The following UBASH3B variants were observed in gnomAD, a reference collection of about 807,000 sequenced individuals.
UBASH3B encodes ubiquitin-associated and SH3 domain-containing protein B.
A neutral mutation model predicts 83.4 loss-of-function variants in UBASH3B; 37 were observed. The ratio of observed to expected loss-of-function variants is 0.44; its 90% CI spans 0.34 to 0.58. UBASH3B has a LOEUF of 0.58. UBASH3B is among the 20% of genes least tolerant of loss of function. The pLI, the probability that UBASH3B is intolerant of heterozygous loss-of-function variation, is 0.01. For missense variants in UBASH3B, 657 were observed against 827.2 expected, an observed-to-expected ratio of 0.79 and a Z score of 2.52; for synonymous variants, 304 against 318.3, an observed-to-expected ratio of 0.96 and a Z score of 0.48.
At chr11:122,794,599 A>G (rs1861120881) in intron 6 of UBASH3B, 103 bp from the exon 7 acceptor site, 1 of 1,461,824 alleles carries the variant, frequency 6.8e-7, no homozygotes, top group Non-Finnish European at 9.4e-7. Flanking sequence ...TGTGCTACCC[A>G]CAGAGGGCTT....
At chr11:122,785,467 T>C (rs546225422) in intron 5 of UBASH3B, among the ~76,000 whole-genome samples, 7 of 152,216 alleles carry the variant, frequency 4.6e-5, no homozygotes, top group Non-Finnish European at 5.9e-5. Flanking sequence ...GGCACCGTGA[T>C]GCTTAGGAAA....
intron 1 of UBASH3B, among the ~76,000 whole-genome samples, chr11:122,694,188 T>A (rs1426580770): frequency 6.6e-6 from 1 of 151,220 alleles, no homozygotes; most frequent in African/African-American, 2.5e-5. Flanking sequence ...CTTTAAAACC[T>A]CTCTAGTACT....
intron 1 of UBASH3B, chr11:122,774,074 G>T: frequency 1.0e-6 from 1 of 985,116 alleles, no homozygotes; most frequent in Non-Finnish European, 1.2e-6. Flanking sequence ...AAAAAAGCGA[G>T]ATGTGTGGCC....
At chr11:122,720,669 C>T (rs1246146818) in intron 1 of UBASH3B, among the ~76,000 whole-genome samples, 2 of 152,180 alleles carry the variant, frequency 1.3e-5, no homozygotes, top group East Asian at 3.9e-4. Flanking sequence ...ACTACACACG[C>T]CATTGCCTGG....
At chr11:122,761,989 A>T (rs966273926) in intron 1 of UBASH3B, among the ~76,000 whole-genome samples, 1 of 151,704 alleles carries the variant, frequency 6.6e-6, no homozygotes, top group Admixed American at 6.6e-5. Flanking sequence ...ATGGAGTTTC[A>T]CCATGTTGGC....
Position 122,785,895 on chromosome 11 carries a change from A to G in UBASH3B, c.771+2673A>G, listed in dbSNP as rs184006750. Among the ~76,000 whole-genome samples, 9 of 152,336 alleles carry G rather than the reference A, an allele frequency of 5.9e-5. No individual in the cohort carries two copies. In the East Asian group the frequency reaches 1.7e-3, roughly 29 times the overall value. ...ATTGCTGCAGCTATTATTGTGAGTGAGAATAAAAAGGGCTCCAAAGGCAGT... is the reference window on the plus strand; with the variant it reads ...ATTGCTGCAGCTATTATTGTGAGTGGGAATAAAAAGGGCTCCAAAGGCAGT... On this transcript the variant is annotated intron_variant, in intron 5 of 13. Coordinates refer to ENST00000284273, the MANE Select transcript of UBASH3B (RefSeq NM_032873.5).
chr11:122,782,206 A>C (rs976230741), intron 4 of UBASH3B, among the ~76,000 whole-genome samples: 2 of 151,068 alleles, frequency 1.3e-5, no homozygotes, highest in Non-Finnish European at 2.9e-5. Flanking sequence ...ATGCCACTTA[A>C]CTCTAGCCTG....
At chr11:122,699,557 C>CTTTCTTTCTTTCT (rs1555137180) in intron 1 of UBASH3B, among the ~76,000 whole-genome samples, 8 of 142,984 alleles carry the variant, frequency 5.6e-5, no homozygotes, top group African/African-American at 2.1e-4. Context: ...TTCTTTCTTT[C>CTTTCTTTCTTTCT]TTTCTTTCTT....
intron 1 of UBASH3B, among the ~76,000 whole-genome samples, chr11:122,751,800 A>G (rs1281116634): frequency 1.3e-5 from 2 of 152,232 alleles, no homozygotes; most frequent in Non-Finnish European, 2.9e-5. Context: ...TGTGCTCCAC[A>G]TCACATCCAT....
chr11:122,751,629 C>A (rs757660201), intron 1 of UBASH3B, among the ~76,000 whole-genome samples: 1 of 152,234 alleles, frequency 6.6e-6, no homozygotes, highest in Non-Finnish European at 1.5e-5. Context: ...TGGCTGCAAC[C>A]TGTTCTCCCC....
chr11:122,742,271 G>A (rs987870539), intron 1 of UBASH3B, among the ~76,000 whole-genome samples: 1 of 152,228 alleles, frequency 6.6e-6, no homozygotes, highest in Non-Finnish European at 1.5e-5. Context: ...ATTGCAGACA[G>A]GAGAAGCAAA....
intron 1 of UBASH3B, among the ~76,000 whole-genome samples, chr11:122,717,561 A>G (rs1477125309): frequency 6.6e-6 from 1 of 152,174 alleles, no homozygotes; most frequent in African/African-American, 2.4e-5. Context: ...ATGCTTGTAA[A>G]TGTCAATTGC....
At position 122,814,077 on chromosome 11, in the gene UBASH3B, T is replaced by C. The variant is rs2135204859; in HGVS notation, c.*4191T>C. On this transcript the variant is annotated 3_prime_UTR_variant, in exon 14 of 14. Transcript: ENST00000284273. Reference sequence around the variant, plus strand: ...CAACTATCATGGACTCTGTACAGGATAGATGTGTATAATGGAAAATATGTA... The same window carrying C: ...CAACTATCATGGACTCTGTACAGGACAGATGTGTATAATGGAAAATATGTA... 6.5e-6 allele frequency: 1 copy of C among 152,766 alleles called. No individual in the cohort carries two copies. The highest frequency in any genetic ancestry group is 2.4e-5 in the African/African-American group (1 of 41,584). The allele number at this position is 152,766 out of a possible 1,614,324, so 9.5% of individuals were successfully genotyped here. A position where few individuals can be genotyped will look rare whatever the true frequency, so the allele number is the denominator to read the frequency against.
At chr11:122,664,955 C>CTGGAG (rs1305713223) in intron 1 of UBASH3B, among the ~76,000 whole-genome samples, 1 of 152,220 alleles carries the variant, frequency 6.6e-6, no homozygotes, top group East Asian at 1.9e-4. Context: ...GTCGCCCAGG[C>CTGGAG]TGGAGTGCGG....
At chr11:122,768,466 A>AGGTGTGTGTGTGTG (rs745861229) in intron 1 of UBASH3B, among the ~76,000 whole-genome samples, 1 of 128,984 alleles carries the variant, frequency 7.8e-6, no homozygotes, top group African/African-American at 3.4e-5. Context: ...AGAGATATAT[A>AGGTGTGTGTGTGTG]TGTATGTGTG....
At chr11:122,774,265 T>C in intron 1 of UBASH3B, 1 of 985,486 alleles carries the variant, frequency 1.0e-6, no homozygotes, top group Non-Finnish European at 1.2e-6. Context: ...CATCAACCTG[T>C]AAGTAGGCTT....
chr11:122,738,516 C>T (rs371171742), intron 1 of UBASH3B, among the ~76,000 whole-genome samples: 1 of 152,156 alleles, frequency 6.6e-6, no homozygotes, highest in East Asian at 1.9e-4. Flanking sequence ...TGGGGTTACA[C>T]AGCATGACAA....
chr11:122,750,682 A>G (rs1247125879), intron 1 of UBASH3B, among the ~76,000 whole-genome samples: 1 of 152,182 alleles, frequency 6.6e-6, no homozygotes, highest in African/African-American at 2.4e-5. Flanking sequence ...CATTTTTCAT[A>G]ATGCATTGAA....
intron 1 of UBASH3B, among the ~76,000 whole-genome samples, chr11:122,664,303 T>G (rs1863485219): frequency 6.6e-6 from 1 of 152,146 alleles, no homozygotes; most frequent in African/African-American, 2.4e-5. Flanking sequence ...TTCTGATTAC[T>G]TTCAAATGGA....
Sources: allele counts gnomAD v4.1 joint callset (sites outside exome capture counted in the v4.1 genomes callset), GRCh38; gene constraint gnomAD v4.1.1; transcripts MANE v1.5; gene names NCBI Gene and HGNC (gene_info 2026-07-23, HGNC 2026-07-21).